The following FRMPD4 variants were observed in gnomAD, a reference collection of about 807,000 sequenced individuals.
FRMPD4 encodes the protein FERM and PDZ domain-containing protein 4.
In FRMPD4, 22 loss-of-function variants were observed where a neutral mutation model predicts 94.1. That is an observed-to-expected ratio of 0.23 (90% CI 0.17 to 0.33). FRMPD4 has a LOEUF of 0.33. Ranked by LOEUF, FRMPD4 falls within the 10% of genes least tolerant of loss-of-function variation. The probability of loss-of-function intolerance (pLI) is 1.00; values close to 1 mark genes in which losing one functional copy is unlikely to be tolerated. For missense variants in FRMPD4, 1,111 were observed against 1,339.9 expected, an observed-to-expected ratio of 0.83 and a Z score of 2.67; for synonymous variants, 631 against 548.6, an observed-to-expected ratio of 1.15 and a Z score of -2.10.
At chrX:12,131,038 G>A (rs1267937788) in intron 3 of FRMPD4, among the ~76,000 whole-genome samples, 1 of 111,762 alleles carries the variant, frequency 8.9e-6, no homozygotes, top group African/African-American at 3.3e-5. Context: ...CATCAGACAA[G>A]AGGAGATTCA....
intron 6 of FRMPD4, among the ~76,000 whole-genome samples, chrX:12,683,963 T>C (rs1483146340): frequency 1.8e-5 from 2 of 112,418 alleles, no homozygotes; most frequent in Non-Finnish European, 3.8e-5. Context: ...CATTCTTCCA[T>C]ATGATAGTGC....
intron 1 of FRMPD4, among the ~76,000 whole-genome samples, chrX:12,430,437 T>A (rs2056998395): frequency 8.9e-6 from 1 of 112,500 alleles, no homozygotes; most frequent in Non-Finnish European, 1.9e-5. Flanking sequence ...CCAAACCAGA[T>A]AGGAAAGCTT....
chrX:12,261,482 A>G (rs2054188098), intron 1 of FRMPD4, among the ~76,000 whole-genome samples: 1 of 111,644 alleles, frequency 9.0e-6, no homozygotes, highest in African/African-American at 3.3e-5. Context: ...GCATACCACT[A>G]GGACTTGACA....
chrX:11,835,425 G>A (rs1345381982), intron 1 of FRMPD4, among the ~76,000 whole-genome samples: 2 of 112,019 alleles, frequency 1.8e-5, no homozygotes, highest in Non-Finnish European at 3.8e-5. Context: ...CAGATAGCAC[G>A]AAGGCAGCAG....
At chrX:12,578,614 T>A (rs1435478533) in intron 2 of FRMPD4, among the ~76,000 whole-genome samples, 3 of 112,085 alleles carry the variant, frequency 2.7e-5, no homozygotes, top group African/African-American at 9.7e-5. Context: ...TTTCGAACCC[T>A]TTTTTATTAT....
At chrX:11,847,717 C>A (rs774547300) in intron 1 of FRMPD4, among the ~76,000 whole-genome samples, 1 of 109,707 alleles carries the variant, frequency 9.1e-6, no homozygotes, top group East Asian at 2.9e-4. Flanking sequence ...AAATGATGAG[C>A]TAATGTCCTT....
chrX:12,084,941 G>T (rs185738705), intron 3 of FRMPD4, among the ~76,000 whole-genome samples: 134 of 112,033 alleles, frequency 1.2e-3, no homozygotes, highest in Middle Eastern at 4.6e-3. Flanking sequence ...CAGTTGTTTG[G>T]ATATCATCAG....
chrX:12,601,623 G>A (rs996602272), intron 2 of FRMPD4, among the ~76,000 whole-genome samples: 5 of 111,890 alleles, frequency 4.5e-5, no homozygotes, highest in Non-Finnish European at 9.4e-5. Context: ...TCATGTGTGC[G>A]ATCGTATTAT....
At chrX:12,125,055 C>T (rs764801275) in intron 3 of FRMPD4, among the ~76,000 whole-genome samples, 2 of 112,017 alleles carry the variant, frequency 1.8e-5, no homozygotes, top group Non-Finnish European at 3.8e-5. Flanking sequence ...TGACTGGGTT[C>T]TTAAGTCACT....
intron 1 of FRMPD4, among the ~76,000 whole-genome samples, chrX:12,292,548 T>C (rs2054706154): frequency 9.0e-6 from 1 of 111,131 alleles, no homozygotes; most frequent in East Asian, 2.8e-4. Flanking sequence ...ATTATTTAAC[T>C]TAGATTTAGG....
At chrX:11,914,177 A>G (rs779930585) in intron 3 of FRMPD4, among the ~76,000 whole-genome samples, 10 of 112,133 alleles carry the variant, frequency 8.9e-5, no homozygotes. Context: ...AAAATGATTA[A>G]TACATCTAGC....
chrX:12,318,741 A>T (rs1407561349), intron 1 of FRMPD4, among the ~76,000 whole-genome samples: 1 of 111,346 alleles, frequency 9.0e-6, no homozygotes, highest in African/African-American at 3.3e-5. Flanking sequence ...ACAATAATTT[A>T]TTGTATATTT....
chrX:12,121,408 T>C (rs2055453384), intron 3 of FRMPD4, among the ~76,000 whole-genome samples: 1 of 112,338 alleles, frequency 8.9e-6, no homozygotes, highest in South Asian at 3.6e-4. Context: ...TTAAACATTT[T>C]TCAGTTTTAA....
chrX:11,862,442 C>A (rs1220353820), intron 1 of FRMPD4, among the ~76,000 whole-genome samples: 1 of 111,195 alleles, frequency 9.0e-6, no homozygotes, highest in Non-Finnish European at 1.9e-5. Context: ...ATTTGGATGC[C>A]AGGCTCAAAA....
intron 1 of FRMPD4, among the ~76,000 whole-genome samples, chrX:12,379,418 G>A (rs1190977102): frequency 9.0e-6 from 1 of 111,692 alleles, no homozygotes. Context: ...GTGCAGTTAT[G>A]TGGACATGTG....
intron 1 of FRMPD4, among the ~76,000 whole-genome samples, chrX:12,189,797 A>G: frequency 9.0e-6 from 1 of 111,309 alleles, no homozygotes; most frequent in South Asian, 3.8e-4. Flanking sequence ...AAAACTCAAA[A>G]CTTTCTTACT....
At chrX:12,483,571 C>A (rs919162277) in intron 1 of FRMPD4, among the ~76,000 whole-genome samples, 3 of 111,556 alleles carry the variant, frequency 2.7e-5, no homozygotes, top group African/African-American at 9.8e-5. Context: ...AGAATGGAGA[C>A]CTTTTATTAG....
intron 1 of FRMPD4, among the ~76,000 whole-genome samples, chrX:12,399,507 A>T (rs909959080): frequency 8.9e-6 from 1 of 111,858 alleles, no homozygotes; most frequent in East Asian, 2.8e-4. Flanking sequence ...TTAAATACTA[A>T]TTGCTTACTG....
At chrX:12,328,756 G>A (rs1489122387) in intron 1 of FRMPD4, among the ~76,000 whole-genome samples, 1 of 111,510 alleles carries the variant, frequency 9.0e-6, no homozygotes, top group Non-Finnish European at 1.9e-5. Context: ...CTAGAGTCAG[G>A]TTGCTGCCCT....
Sources: gnomAD v4.1 joint callset for allele counts (sites outside exome capture counted in the v4.1 genomes callset) on GRCh38, gnomAD v4.1.1 for gene constraint, MANE v1.5 for transcripts, NCBI Gene and HGNC (gene_info 2026-07-23, HGNC 2026-07-21) for gene names.